The following PLD5 variants were observed in gnomAD, a reference collection of about 807,000 sequenced individuals.
The protein encoded by PLD5 is phospholipase D family member 5.
In PLD5, 36 loss-of-function variants were observed where a neutral mutation model predicts 61.1. The observed-to-expected ratio is 0.59, with a 90% CI of 0.45 to 0.78. The LOEUF (loss-of-function observed/expected upper bound fraction) is 0.78, where lower values mean the gene tolerates loss of function less well. Ranked by LOEUF, PLD5 falls within the 30% of genes least tolerant of loss-of-function variation. PLD5 has a pLI of 0.00. For missense variants in PLD5, 515 were observed against 644.4 expected (o/e 0.80, Z 2.17); for synonymous variants, 243 against 242.8 (o/e 1.00, Z -0.01).
chr1:242,136,065 G>A (rs780773182), intron 5 of PLD5, among the ~76,000 whole-genome samples: 2 of 152,164 alleles, frequency 1.3e-5, no homozygotes, highest in African/African-American at 2.4e-5. Flanking sequence ...CCTACCCTCC[G>A]TGGGGACATA....
In PLD5 at chr1:242,399,861, G is replaced by A. The variant is rs116697071; in HGVS notation, c.190-51619C>T. The stretch of plus-strand genomic sequence containing the variant: ...GTGAACTGTGTAGGCGAGGGATCTA[G>A]GCTGCGTGCTCCTTATGAGATTCTA... On this transcript the variant is annotated intron_variant, in intron 1 of 9. Transcript: ENST00000536534. Among the ~76,000 whole-genome samples, 1,399 of 152,188 alleles carry A rather than the reference G, an allele frequency of 9.2e-3. 23 individuals are homozygous for A. Among genetic ancestry groups the A allele is most frequent in the African/African-American group, 0.032 (1,335 of 41,540 alleles).
At chr1:242,125,329 G>C (rs1558247115) in intron 5 of PLD5, among the ~76,000 whole-genome samples, 1 of 151,940 alleles carries the variant, frequency 6.6e-6, no homozygotes, top group African/African-American at 2.4e-5. Flanking sequence ...TAGACCAATA[G>C]CATCTTAAAA....
chr1:242,374,562 T>A (rs1661839240), intron 1 of PLD5, among the ~76,000 whole-genome samples: 1 of 152,092 alleles, frequency 6.6e-6, no homozygotes, highest in African/African-American at 2.4e-5. Flanking sequence ...CCATGAAACC[T>A]AAAAATATTA....
At chr1:242,490,653 T>A (rs1180499760) in intron 1 of PLD5, among the ~76,000 whole-genome samples, 1 of 152,218 alleles carries the variant, frequency 6.6e-6, no homozygotes, top group Non-Finnish European at 1.5e-5. Flanking sequence ...ATGCCTCGGT[T>A]CTCAGCAACC....
At chr1:242,285,460 C>T (rs1266897172) in intron 3 of PLD5, among the ~76,000 whole-genome samples, 1 of 152,076 alleles carries the variant, frequency 6.6e-6, no homozygotes, top group African/African-American at 2.4e-5. Flanking sequence ...ATCACACCAC[C>T]ACACTTTAGC....
chr1:242,366,822 T>A (rs1222120428), intron 1 of PLD5, among the ~76,000 whole-genome samples: 1 of 152,112 alleles, frequency 6.6e-6, no homozygotes, highest in Non-Finnish European at 1.5e-5. Flanking sequence ...AAATGAGTGA[T>A]GAATAAGTGA....
intron 5 of PLD5, among the ~76,000 whole-genome samples, chr1:242,146,185 G>T (rs1340781495): frequency 1.3e-5 from 2 of 152,046 alleles, no homozygotes; most frequent in East Asian, 3.9e-4. Context: ...AGTTTTTAAA[G>T]ACTTCTTATT....
chr1:242,092,593 T>G (rs1659919537), intron 9 of PLD5, among the ~76,000 whole-genome samples: 1 of 152,064 alleles, frequency 6.6e-6, no homozygotes, highest in East Asian at 1.9e-4. Flanking sequence ...CTGGCAGGCT[T>G]TAGGTGGAGA....
Position 242,321,703 on chromosome 1 carries a change from C to G in PLD5, c.326+26403G>C, listed in dbSNP as rs557695989. Among the ~76,000 whole-genome samples, 102 of 152,216 alleles carry G rather than the reference C, an allele frequency of 6.7e-4. 2 individuals are homozygous for G. Among genetic ancestry groups the G allele is most frequent in the Admixed American group, 6.2e-3 (95 of 15,276 alleles). On this transcript the variant is annotated intron_variant, in intron 2 of 9. Transcript: ENST00000536534. ...GCCATCATTACCTGTTTTTGAACCC[C>G]CATTTTTTCTGTACATCAAGATGAT... is the stretch of plus-strand genomic sequence containing the variant.
chr1:242,517,656 G>T (rs138049486), intron 1 of PLD5, among the ~76,000 whole-genome samples: 8 of 152,082 alleles, frequency 5.3e-5, no homozygotes, highest in African/African-American at 1.7e-4. Context: ...TTAATAGTTT[G>T]CATTTTTCTA....
chr1:242,528,217 T>A (rs958949612), upstream of PLD5, among the ~76,000 whole-genome samples: 5 of 152,218 alleles, frequency 3.3e-5, no homozygotes, highest in African/African-American at 1.2e-4. Context: ...GTTCATCCAG[T>A]AAATGGGGAA....
intron 1 of PLD5, among the ~76,000 whole-genome samples, chr1:242,380,569 A>C (rs915840790): frequency 4.6e-5 from 7 of 152,208 alleles, no homozygotes; most frequent in African/African-American, 1.7e-4. Flanking sequence ...ATTTATTTTG[A>C]CATTTATCTA....
At chr1:242,278,447 T>A (rs1674534706) in intron 3 of PLD5, among the ~76,000 whole-genome samples, 1 of 152,212 alleles carries the variant, frequency 6.6e-6, no homozygotes, top group Admixed American at 6.5e-5. Flanking sequence ...GAATAATGAT[T>A]TCCCATAGAA....
chr1:242,502,794 C>G (rs1232793797), intron 1 of PLD5, among the ~76,000 whole-genome samples: 2 of 152,052 alleles, frequency 1.3e-5, no homozygotes, highest in Non-Finnish European at 2.9e-5. Context: ...GGTGCAGTGG[C>G]TCACGCCTGT....
intron 5 of PLD5, among the ~76,000 whole-genome samples, chr1:242,176,057 A>C (rs1667118232): frequency 6.6e-6 from 1 of 152,218 alleles, no homozygotes; most frequent in Admixed American, 6.5e-5. Context: ...GCTACCATTG[A>C]CTTTCTTCAT....
intron 1 of PLD5, among the ~76,000 whole-genome samples, chr1:242,478,846 T>G (rs1667679445): frequency 6.6e-6 from 1 of 152,200 alleles, no homozygotes. Context: ...TAAGAAGGTT[T>G]GCTACAGCAA....
At chr1:242,311,367 G>T (rs757442964) in intron 2 of PLD5, among the ~76,000 whole-genome samples, 1 of 152,188 alleles carries the variant, frequency 6.6e-6, no homozygotes, top group Non-Finnish European at 1.5e-5. Context: ...AACATCTGCA[G>T]GTTTTATTAA....
chr1:242,348,909 C>T (rs996609198), intron 1 of PLD5, among the ~76,000 whole-genome samples: 1 of 152,122 alleles, frequency 6.6e-6, no homozygotes, highest in African/African-American at 2.4e-5. Flanking sequence ...AAAAAATTAG[C>T]TGGGCGTGGT....
intron 4 of PLD5, 146 bp downstream of exon 4, chr1:242,265,191 A>G: frequency 8.9e-7 from 1 of 1,120,706 alleles, no homozygotes; most frequent in Non-Finnish European, 1.2e-6. Flanking sequence ...AAAAACTTTA[A>G]TCGAGTTATT....
Sources: allele counts gnomAD v4.1 joint callset (sites outside exome capture counted in the v4.1 genomes callset), GRCh38; gene constraint gnomAD v4.1.1; transcripts MANE v1.5; gene names NCBI Gene and HGNC (gene_info 2026-07-23, HGNC 2026-07-21).